The following NSUN3 variants were observed in gnomAD, a reference collection of about 807,000 sequenced individuals.
The protein encoded by NSUN3 is NOP2/Sun RNA methyltransferase 3.
A neutral mutation model predicts 36.8 loss-of-function variants in NSUN3; 24 were observed. The ratio of observed to expected loss-of-function variants is 0.65; its 90% CI spans 0.47 to 0.92. NSUN3 has a LOEUF of 0.92. NSUN3 is among the 40% of genes least tolerant of loss of function. NSUN3 has a pLI of 0.00. For missense variants in NSUN3, 381 were observed against 392.8 expected, an observed-to-expected ratio of 0.97 and a Z score of 0.25; for synonymous variants, 146 against 145.2, an observed-to-expected ratio of 1.01 and a Z score of -0.04.
chr3:94,120,869 A>G (rs1008062917), intron 5 of NSUN3, among the ~76,000 whole-genome samples: 3 of 152,204 alleles, frequency 2.0e-5, no homozygotes, highest in Non-Finnish European at 4.4e-5. Context: ...CATAGTGGCT[A>G]TACCATTTTA....
chr3:94,070,940 G>A (rs969109609), intron 2 of NSUN3, among the ~76,000 whole-genome samples: 1 of 152,136 alleles, frequency 6.6e-6, no homozygotes, highest in Non-Finnish European at 1.5e-5. Context: ...GTGATTTGGG[G>A]ATATAACTCC....
Position 94,084,177 on chromosome 3 carries a change from C to CTGGAAAAGGAT in NSUN3, c.195_205dup (p.Leu69TrpfsTer7). ...TAACCGATTCAATTATCCTTTTGAA[C>CTGGAAAAGGAT]TGGAAAAGGATTTACATTTGAAGGG... On this transcript the variant is annotated frameshift_variant, in exon 3 of 6. Coordinates refer to ENST00000314622, the MANE Select transcript of NSUN3 (RefSeq NM_022072.5). LOFTEE classifies it high-confidence loss of function. 6.2e-7 allele frequency: 1 copy of CTGGAAAAGGAT among 1,614,066 alleles called. No homozygotes were observed.
chr3:94,115,410 T>G (rs1030789987), intron 5 of NSUN3, among the ~76,000 whole-genome samples: 1 of 152,164 alleles, frequency 6.6e-6, no homozygotes, highest in Non-Finnish European at 1.5e-5. Flanking sequence ...GCCTTGATAC[T>G]CTAATGGCGA....
chr3:94,109,364 T>C (rs1197586458), intron 5 of NSUN3, among the ~76,000 whole-genome samples: 1 of 152,202 alleles, frequency 6.6e-6, no homozygotes, highest in Non-Finnish European at 1.5e-5. Context: ...GGGGCAGAAG[T>C]ATTGCTAGCT....
chr3:94,121,993 A>G (rs2077464569), intron 5 of NSUN3, among the ~76,000 whole-genome samples: 1 of 151,424 alleles, frequency 6.6e-6, no homozygotes, highest in South Asian at 2.1e-4. Flanking sequence ...AAAAGTACAA[A>G]AATTAGCCAG....
chr3:94,063,194 G>T, intron 1 of NSUN3, 56 bp downstream of exon 1: 3 of 1,583,044 alleles, frequency 1.9e-6, no homozygotes, highest in East Asian at 2.2e-5. Context: ...TTCTGGACGC[G>T]GCCGAGGTGG....
intron 5 of NSUN3, among the ~76,000 whole-genome samples, chr3:94,107,228 GC>G (rs2077393359): frequency 6.6e-6 from 1 of 152,118 alleles, no homozygotes; most frequent in Non-Finnish European, 1.5e-5. Flanking sequence ...ACTGTGCCTG[GC>G]CTAATTAAAA....
chr3:94,084,784 A>G (rs1364728127), intron 3 of NSUN3: 1 of 185,472 alleles, frequency 5.4e-6, no homozygotes, highest in South Asian at 1.4e-4. Flanking sequence ...TATCCCTGTC[A>G]TACTTTTCTG....
chr3:94,064,906 C>G (rs748378330), intron 2 of NSUN3, among the ~76,000 whole-genome samples: 4 of 152,126 alleles, frequency 2.6e-5, no homozygotes, highest in Non-Finnish European at 4.4e-5. Context: ...GAAGATAATA[C>G]AACAAATCTT....
At chr3:94,095,277 G>A in intron 5 of NSUN3, 123 bp downstream of exon 5, 1 of 944,358 alleles carries the variant, frequency 1.1e-6, no homozygotes, top group Non-Finnish European at 1.6e-6. Context: ...TTCCTCCAAA[G>A]GCTACACTCA....
chr3:94,076,044 A>G (rs2077244381), intron 2 of NSUN3: 3 of 1,607,182 alleles, frequency 1.9e-6, no homozygotes. Flanking sequence ...GGATTCCAGG[A>G]GAAATCAGAT....
intron 1 of NSUN3, chr3:94,064,199 C>A: frequency 2.0e-6 from 1 of 495,352 alleles, no homozygotes; most frequent in Non-Finnish European, 3.6e-6. Context: ...TTCTTCAGCC[C>A]CAGTAGATTC....
chr3:94,102,801 G>A (rs1649741764), intron 5 of NSUN3, among the ~76,000 whole-genome samples: 1 of 151,840 alleles, frequency 6.6e-6, no homozygotes, highest in African/African-American at 2.4e-5. Flanking sequence ...AATATATATT[G>A]ACAATATGAA....
intron 5 of NSUN3, among the ~76,000 whole-genome samples, chr3:94,116,425 G>A (rs1701234652): frequency 6.6e-6 from 1 of 152,086 alleles, no homozygotes; most frequent in African/African-American, 2.4e-5. Flanking sequence ...ATTTTTTGAG[G>A]GAGTGAGAGA....
intron 2 of NSUN3, among the ~76,000 whole-genome samples, chr3:94,075,736 C>A (rs919351998): frequency 6.6e-6 from 1 of 151,908 alleles, no homozygotes. Flanking sequence ...TCAAGCCCCC[C>A]CCCCCAATAA....
chr3:94,066,603 G>T (rs564390951), intron 2 of NSUN3, among the ~76,000 whole-genome samples: 2 of 152,190 alleles, frequency 1.3e-5, no homozygotes, highest in African/African-American at 4.8e-5. Context: ...TAAAATTGGA[G>T]TTTACCCTGG....
At position 94,127,821 on chromosome 3, in the gene NSUN3, A is replaced by G. The variant is rs1014382704; in HGVS notation, c.*1331A>G. The G allele has an allele frequency of 1.3e-5, 2 of 152,166 alleles. No individual in the cohort carries two copies. Among genetic ancestry groups the G allele is most frequent in the Non-Finnish European group, 2.9e-5 (2 of 68,032 alleles). The allele number at this position is 152,166 out of a possible 1,614,324, so 9.4% of individuals were successfully genotyped here. On this transcript the variant is annotated 3_prime_UTR_variant, in exon 6 of 6. Coordinates refer to ENST00000314622, the MANE Select transcript of NSUN3 (RefSeq NM_022072.5). ...TTAATATTTTTTGTTTTGCAAGCAT[A>G]TGTAACCCGGTTTATATCATCAGGA...
intron 2 of NSUN3, 104 bp downstream of exon 2, chr3:94,064,650 AATCTGGTT>A: frequency 1.5e-6 from 1 of 672,216 alleles, no homozygotes; most frequent in South Asian, 2.0e-5. Flanking sequence ...AAGGAATCTA[AATCTGGTT>A]GCCTTTTCCT....
In NSUN3 at chr3:94,128,356, ATTAG is replaced by A. The variant is rs1486486915; in HGVS notation, c.*1869_*1872del. 1 of 152,084 alleles carries A rather than the reference ATTAG, an allele frequency of 6.6e-6. No homozygotes were observed. Among genetic ancestry groups the A allele is most frequent in the Non-Finnish European group, 1.5e-5 (1 of 68,000 alleles). 9.4% of individuals were successfully genotyped at this position (152,084 alleles called of 1,614,324 possible). A position where few individuals can be genotyped will look rare whatever the true frequency, so the allele number is the denominator to read the frequency against. On this transcript the variant is annotated 3_prime_UTR_variant, in exon 6 of 6. Transcript: ENST00000314622. ...ATGTTTTCTTTTTTAAGTTATCATT[ATTAG>A]TTTGTTTTTTTTATCTTCAGACACT...
Sources: allele counts gnomAD v4.1 joint callset (sites outside exome capture counted in the v4.1 genomes callset), GRCh38; gene constraint gnomAD v4.1.1; transcripts MANE v1.5; gene names NCBI Gene and HGNC (gene_info 2026-07-23, HGNC 2026-07-21).